EXOSC4: variants seen among roughly 807,000 people sequenced by gnomAD.
EXOSC4 encodes exosome complex component RRP41.
Under a neutral mutation model 20.0 loss-of-function variants are expected in EXOSC4, and 14 were observed. The ratio of observed to expected loss-of-function variants is 0.70; its 90% CI spans 0.46 to 1.09. EXOSC4 has a LOEUF of 1.09. Among genes scored for constraint, EXOSC4 ranks in the 50% least tolerant of loss-of-function variants. The probability of loss-of-function intolerance (pLI) is 0.00; values close to 1 mark genes in which losing one functional copy is unlikely to be tolerated. For synonymous variants in EXOSC4, 148 were observed against 146.4 expected, an observed-to-expected ratio of 1.01 and a Z score of -0.08; for missense variants, 337 against 334.0, an observed-to-expected ratio of 1.01 and a Z score of -0.07.
the EXOSC4 span, among the ~76,000 whole-genome samples, chr8:144,068,002 C>T: frequency 2.6e-5 from 4 of 152,330 alleles, no homozygotes; most frequent in African/African-American, 4.8e-5. Flanking sequence ...CCACTGGCCA[C>T]GGAGTGGCTC....
chr8:144,077,190 C>G (rs887856506), upstream of EXOSC4, among the ~76,000 whole-genome samples: 1 of 151,610 alleles, frequency 6.6e-6, no homozygotes, highest in African/African-American at 2.4e-5. Flanking sequence ...GGGTGCAGTG[C>G]GCTGACATTG....
upstream of EXOSC4, among the ~76,000 whole-genome samples, chr8:144,074,500 A>C (rs781963362): frequency 1.3e-5 from 2 of 152,170 alleles, no homozygotes; most frequent in African/African-American, 2.4e-5. Context: ...CTCAAAGAGG[A>C]TCTAAGATTA....
At chr8:144,068,795 G>A in the EXOSC4 span, among the ~76,000 whole-genome samples, 35 of 152,200 alleles carry the variant, frequency 2.3e-4, 1 homozygote, top group African/African-American at 6.3e-4. Flanking sequence ...CCAGCTCCTG[G>A]CTGCAAGGCA....
chr8:144,079,300 CTT>C lies in EXOSC4; in HGVS notation c.171+403_171+404del, dbSNP rs577810605. On this transcript the variant is annotated intron_variant, in intron 1 of 2. Coordinates refer to ENST00000316052, the MANE Select transcript of EXOSC4 (RefSeq NM_019037.3). ...GCCTATTTTGCTTAAGCATTTTCCC[CTT>C]TGTTTCCTCGCTGGAACATAAGCTT... The C allele has an allele frequency of 2.1e-3, 439 of 205,724 alleles. 1 individual carries two copies. Among genetic ancestry groups the C allele is most frequent in the Non-Finnish European group, 3.5e-3 (352 of 100,484 alleles). The allele number at this position is 205,724 out of a possible 1,614,324, so 12.7% of individuals were successfully genotyped here.
At chr8:144,070,012 G>C in the EXOSC4 span, among the ~76,000 whole-genome samples, 1 of 152,268 alleles carries the variant, frequency 6.6e-6, no homozygotes, top group African/African-American at 2.4e-5. Context: ...TTCCGCCCGG[G>C]CGTGCCCAAA....
intron 1 of EXOSC4, 55 bp from the exon 2 acceptor site, chr8:144,079,884 GGACA>G: frequency 6.7e-7 from 1 of 1,492,258 alleles, no homozygotes; most frequent in Non-Finnish European, 9.3e-7. Flanking sequence ...GACCCACAGA[GGACA>G]GTGGAGTGTG....
chr8:144,066,244 C>G, the EXOSC4 span, among the ~76,000 whole-genome samples: 2 of 151,458 alleles, frequency 1.3e-5, no homozygotes, highest in African/African-American at 4.9e-5. Context: ...TGGTCTCTAT[C>G]TCCTGACCTC....
chr8:144,076,206 C>T (rs1554762684), upstream of EXOSC4, among the ~76,000 whole-genome samples: 1 of 152,214 alleles, frequency 6.6e-6, no homozygotes, highest in Non-Finnish European at 1.5e-5. Context: ...CAGCATTTCA[C>T]ACACACGGCT....
Position 144,078,957 on chromosome 8 carries a change from G to C in EXOSC4, c.171+58G>C. On this transcript the variant is annotated intron_variant, in intron 1 of 2. Coordinates refer to ENST00000316052, the MANE Select transcript of EXOSC4 (RefSeq NM_019037.3). The surrounding 1 kb of genome is among the most constrained non-coding windows in gnomAD (Gnocchi z 4.7). ...GCCGTGGGAGCTGCGGGGCAGCCGG[G>C]CTGAGCGCTGGCTCGGGGACTTGAG... 7.2e-7 allele frequency: 1 copy of C among 1,393,674 alleles called. No individual in the cohort carries two copies. Among genetic ancestry groups the C allele is most frequent in the African/African-American group, 1.5e-5 (1 of 66,888 alleles). 86.3% of individuals were successfully genotyped at this position (1,393,674 alleles called of 1,614,324 possible).
At position 144,079,981 on chromosome 8, in the gene EXOSC4, C is replaced by G. The variant is rs782746867; in HGVS notation, c.210C>G (p.Ala70=). 1 of 1,614,022 alleles carries G rather than the reference C, an allele frequency of 6.2e-7. No individual in the cohort carries two copies. Among genetic ancestry groups the G allele is most frequent in the Non-Finnish European group, 8.5e-7 (1 of 1,180,036 alleles). ...GGGCTCGAGCCCTGCCGGACAGGGC[C>G]CTAGTGAACTGTCAATATAGTTCAG... ...GSRARALPDR[A]LVNCQYSSAT... Residue 70 remains alanine, a synonymous_variant, in exon 2 of 3, where the codon GCC becomes GCG. Transcript: ENST00000316052.
At chr8:144,079,714 C>T (rs1835876190) in intron 1 of EXOSC4, 1 of 685,214 alleles carries the variant, frequency 1.5e-6, no homozygotes. Flanking sequence ...TGTTTGTAAA[C>T]TTGGGTTGGC....
At chr8:144,066,040 AT>A in the EXOSC4 span, among the ~76,000 whole-genome samples, 11 of 141,324 alleles carry the variant, frequency 7.8e-5, no homozygotes, top group Non-Finnish European at 1.2e-4. Context: ...GTTTTTTGAG[AT>A]GGAATCTTGC....
upstream of EXOSC4, among the ~76,000 whole-genome samples, chr8:144,075,428 G>A (rs1311861741): frequency 2.0e-4 from 30 of 152,244 alleles, no homozygotes; most frequent in African/African-American, 6.5e-4. Context: ...GGGTTTCACC[G>A]TGTTGGCCAG....
chr8:144,076,728 G>C (rs1835838476), upstream of EXOSC4, among the ~76,000 whole-genome samples: 1 of 152,156 alleles, frequency 6.6e-6, no homozygotes, highest in South Asian at 2.1e-4. Flanking sequence ...CTACACAACT[G>C]GGGTGGGCAG....
Position 144,078,843 on chromosome 8 carries a change from G to T in EXOSC4, c.115G>T (p.Ala39Ser), listed in dbSNP as rs1835865168. 2 of 1,579,362 alleles carry T rather than the reference G, an allele frequency of 1.3e-6. No homozygotes were observed. The highest frequency in any genetic ancestry group is 4.9e-5 in the East Asian group (2 of 40,552). ...CGTGTTCGCGCAGGCTGACGGCTCG[G>T]CCTACATTGAGCAGGGCAACACCAA... ...MGVFAQADGS[A>S]YIEQGNTKAL... The change falls in exon 1 of 3, where the codon GCC becomes TCC. Residue 39 changes from alanine to serine, a missense_variant. Ala to Ser is a moderately conservative substitution (Grantham distance 99). Coordinates refer to ENST00000316052, the MANE Select transcript of EXOSC4 (RefSeq NM_019037.3). The surrounding 1 kb of genome is among the most constrained non-coding windows in gnomAD (Gnocchi z 4.7).
chr8:144,074,649 A>C (rs1041868934), upstream of EXOSC4, among the ~76,000 whole-genome samples: 1 of 152,166 alleles, frequency 6.6e-6, no homozygotes, highest in African/African-American at 2.4e-5. Context: ...AGCTCACAGC[A>C]TCCTCCAACT....
At chr8:144,069,213 A>G in the EXOSC4 span, among the ~76,000 whole-genome samples, 1 of 152,356 alleles carries the variant, frequency 6.6e-6, no homozygotes, top group Admixed American at 6.5e-5. Context: ...CACCGGTGCC[A>G]GGCTGCACCC....
At chr8:144,079,679 G>T (rs1835875756) in intron 1 of EXOSC4, 1 of 647,298 alleles carries the variant, frequency 1.5e-6, no homozygotes, top group Non-Finnish European at 2.9e-6. Context: ...ATTTGAGTGT[G>T]TAGGTGAGAC....
upstream of EXOSC4, among the ~76,000 whole-genome samples, chr8:144,076,075 G>A (rs1382368832): frequency 6.6e-6 from 1 of 152,142 alleles, no homozygotes; most frequent in Non-Finnish European, 1.5e-5. Flanking sequence ...GGCTCATGCT[G>A]AACACCTGTG....
Sources: allele counts gnomAD v4.1 joint callset (sites outside exome capture counted in the v4.1 genomes callset), GRCh38; gene constraint gnomAD v4.1.1; non-coding constraint Gnocchi (gnomAD v3.1); transcripts MANE v1.5; gene names NCBI Gene and HGNC (gene_info 2026-07-23, HGNC 2026-07-21).